The following TMPRSS7 variants were observed in gnomAD, a reference collection of about 807,000 sequenced individuals.
TMPRSS7 encodes transmembrane protease serine 7.
Under a neutral mutation model 95.6 loss-of-function variants are expected in TMPRSS7, and 81 were observed. The ratio of observed to expected loss-of-function variants is 0.85; its 90% CI spans 0.71 to 1.02. The LOEUF is 1.02. Among genes scored for constraint, TMPRSS7 ranks in the 50% least tolerant of loss-of-function variants. The pLI, the probability that TMPRSS7 is intolerant of heterozygous loss-of-function variation, is 0.00. For synonymous variants in TMPRSS7, 364 were observed against 337.8 expected, an observed-to-expected ratio of 1.08 and a Z score of -0.85; for missense variants, 945 against 955.2, an observed-to-expected ratio of 0.99 and a Z score of 0.14.
At chr3:112,054,729 C>CTTTTT (rs1161735611) in intron 9 of TMPRSS7, among the ~76,000 whole-genome samples, 2,047 of 49,008 alleles carry the variant, frequency 0.042, 788 homozygotes, top group East Asian at 0.15. Context: ...TCTCAGTTTG[C>CTTTTT]TTTTTTTTTT....
chr3:112,044,305 T>C, exon 4 of TMPRSS7: 1 of 1,551,440 alleles, frequency 6.4e-7, no homozygotes, highest in Admixed American at 2.0e-5. Flanking sequence ...ATGAGCAGTC[T>C]GTTGTTGCAG....
In TMPRSS7 at chr3:112,065,981, T is replaced by G. The variant is rs116853946; in HGVS notation, c.1556-411T>G. 4.4e-3 allele frequency among the ~76,000 whole-genome samples: 675 copies of G among 152,282 alleles called. 23 individuals carry two copies. In the East Asian group the frequency reaches 0.065, roughly 15 times the overall value. On this transcript the variant is annotated intron_variant, in intron 12 of 17. Coordinates refer to ENST00000452346, the Ensembl canonical transcript of TMPRSS7. Reference sequence around the variant, plus strand: ...ACAAACCTTGAGTAAACAACTGCTATTTGTTCGGGGGCTTGAGGTACGGAG... The same window carrying G: ...ACAAACCTTGAGTAAACAACTGCTAGTTGTTCGGGGGCTTGAGGTACGGAG...
At chr3:112,060,266 A>T (rs1352717947) in intron 10 of TMPRSS7, among the ~76,000 whole-genome samples, 1 of 152,200 alleles carries the variant, frequency 6.6e-6, no homozygotes, top group Non-Finnish European at 1.5e-5. Context: ...TAAAATTGCT[A>T]ATGAAGTTTC....
chr3:112,039,011 C>A lies in TMPRSS7; in HGVS notation c.298+690C>A, dbSNP rs1212586332. On this transcript the variant is annotated intron_variant, in intron 2 of 17. Transcript: ENST00000452346. ...AAGCTGTTTCATTTCCTCATTCCAC[C>A]CACCACCTGTTTCTAGGCAACCTTG... Among the ~76,000 whole-genome samples the A allele has an allele frequency of 2.0e-5, 3 of 152,174 alleles. No individual in the cohort carries two copies. In the East Asian group the frequency reaches 5.8e-4, roughly 29 times the overall value.
chr3:112,056,210 C>T (rs2073431236), intron 9 of TMPRSS7, among the ~76,000 whole-genome samples: 1 of 151,948 alleles, frequency 6.6e-6, no homozygotes, highest in South Asian at 2.1e-4. Context: ...CAGACTACTC[C>T]TTTTTTAAAG....
At chr3:112,043,326 A>G (rs2073236341) in intron 3 of TMPRSS7, among the ~76,000 whole-genome samples, 1 of 152,166 alleles carries the variant, frequency 6.6e-6, no homozygotes, top group Non-Finnish European at 1.5e-5. Context: ...ATCTTATGGG[A>G]CTACTGTCAT....
intron 10 of TMPRSS7, among the ~76,000 whole-genome samples, chr3:112,058,387 T>A (rs1414992638): frequency 3.3e-5 from 5 of 152,232 alleles, no homozygotes; most frequent in African/African-American, 9.6e-5. Flanking sequence ...AGCTCTATCG[T>A]TTAGTAGCTA....
intron 9 of TMPRSS7, 144 bp from the exon 10 acceptor site, chr3:112,056,881 C>G: frequency 1.9e-6 from 1 of 533,304 alleles, no homozygotes; most frequent in East Asian, 3.2e-5. Context: ...TCCTCCTTAT[C>G]CCGCTTTGTT....
At chr3:112,080,649 C>T (rs1237436485) in intron 17 of TMPRSS7, among the ~76,000 whole-genome samples, 1 of 152,104 alleles carries the variant, frequency 6.6e-6, no homozygotes, top group East Asian at 1.9e-4. Context: ...GAGTTGTTTT[C>T]TCCAGTAAGA....
chr3:112,039,902 C>A (rs1273127310), intron 2 of TMPRSS7, among the ~76,000 whole-genome samples: 1 of 152,110 alleles, frequency 6.6e-6, no homozygotes, highest in African/African-American at 2.4e-5. Context: ...CATTGGGGGG[C>A]AGTCTAGTAA....
At chr3:112,062,790 C>T (rs1257779221) in intron 11 of TMPRSS7, among the ~76,000 whole-genome samples, 5 of 152,138 alleles carry the variant, frequency 3.3e-5, no homozygotes, top group Non-Finnish European at 5.9e-5. Flanking sequence ...GTGTTTCCCT[C>T]GACCATACAC....
chr3:112,053,029 A>G (rs927398179), intron 9 of TMPRSS7, among the ~76,000 whole-genome samples: 1 of 152,182 alleles, frequency 6.6e-6, no homozygotes, highest in Non-Finnish European at 1.5e-5. Context: ...AGCTGTTGTC[A>G]TCTCTCAGAG....
intron 10 of TMPRSS7, among the ~76,000 whole-genome samples, chr3:112,061,141 G>T (rs1440774747): frequency 2.0e-5 from 3 of 152,006 alleles, no homozygotes; most frequent in East Asian, 1.9e-4. Context: ...TAATAATACT[G>T]TATGCTATGC....
At chr3:112,041,588 A>G (rs1174311848) in intron 2 of TMPRSS7, among the ~76,000 whole-genome samples, 3 of 152,196 alleles carry the variant, frequency 2.0e-5, no homozygotes, top group Non-Finnish European at 2.9e-5. Context: ...ATTCCTTCAG[A>G]GAGCCCATAA....
chr3:112,048,068 T>G, intron 7 of TMPRSS7, 101 bp downstream of exon 7: 2 of 1,096,686 alleles, frequency 1.8e-6, no homozygotes, highest in Non-Finnish European at 2.7e-6. Context: ...AAACAGTTTT[T>G]GTGTGCACAC....
chr3:112,038,382 A>G (rs1012194435), intron 2 of TMPRSS7, 61 bp downstream of exon 2: 1 of 660,498 alleles, frequency 1.5e-6, no homozygotes, highest in Non-Finnish European at 2.7e-6. Flanking sequence ...CAGCATTAGC[A>G]ATGCAGCCCT....
At chr3:112,065,069 A>T (rs897240373) in intron 12 of TMPRSS7, among the ~76,000 whole-genome samples, 2 of 152,314 alleles carry the variant, frequency 1.3e-5, no homozygotes, top group South Asian at 4.1e-4. Flanking sequence ...GAGACAAGGT[A>T]TTGCTCTGCC....
intron 2 of TMPRSS7, among the ~76,000 whole-genome samples, chr3:112,040,183 G>T (rs1375766309): frequency 1.3e-5 from 2 of 152,144 alleles, no homozygotes; most frequent in South Asian, 2.1e-4. Context: ...AACGGTTCAG[G>T]TCACTTATAT....
At chr3:112,072,304 G>C (rs932550346) in intron 13 of TMPRSS7, among the ~76,000 whole-genome samples, 4 of 152,206 alleles carry the variant, frequency 2.6e-5, no homozygotes, top group African/African-American at 9.6e-5. Context: ...ATATTGCAGA[G>C]CAGCAAATAT....
Sources: allele counts gnomAD v4.1 joint callset (sites outside exome capture counted in the v4.1 genomes callset), GRCh38; gene constraint gnomAD v4.1.1; transcripts MANE v1.5; gene names NCBI Gene and HGNC (gene_info 2026-07-23, HGNC 2026-07-21).